MACROD2: variants seen among roughly 807,000 people sequenced by gnomAD.
The protein encoded by MACROD2 is mono-ADP ribosylhydrolase 2.
In MACROD2, 36 loss-of-function variants were observed where a neutral mutation model predicts 70.4. That is an observed-to-expected ratio of 0.51 (90% confidence interval 0.39 to 0.68). The LOEUF is 0.68. MACROD2 is among the 30% of genes least tolerant of loss of function. The pLI is 0.00. For synonymous variants in MACROD2, 172 were observed against 178.8 expected (o/e 0.96, Z 0.30); for missense variants, 496 against 538.4 (o/e 0.92, Z 0.78).
At chr20:14,590,235 C>A (rs1420099854) in intron 4 of MACROD2, among the ~76,000 whole-genome samples, 1 of 151,952 alleles carries the variant, frequency 6.6e-6, no homozygotes, top group Non-Finnish European at 1.5e-5. Context: ...GAACTGGGAC[C>A]ATCTAGGGCA....
intron 8 of MACROD2, among the ~76,000 whole-genome samples, chr20:15,755,481 A>T (rs181446354): frequency 1.1e-3 from 175 of 152,282 alleles, no homozygotes; most frequent in African/African-American, 3.9e-3. Flanking sequence ...ATTATGTTAC[A>T]TTTCCTTCAT....
chr20:15,359,186 A>G (rs1282652878), intron 6 of MACROD2, among the ~76,000 whole-genome samples: 3 of 152,200 alleles, frequency 2.0e-5, no homozygotes, highest in Admixed American at 6.5e-5. Flanking sequence ...TAGAGTCTAC[A>G]CAAAGAAGAA....
intron 5 of MACROD2, among the ~76,000 whole-genome samples, chr20:15,055,100 C>A (rs1349811371): frequency 6.6e-6 from 1 of 152,102 alleles, no homozygotes; most frequent in South Asian, 2.1e-4. Context: ...CAGGCGCCTT[C>A]CACCACACCC....
At chr20:15,569,271 AT>A (rs1344918718) in intron 8 of MACROD2, among the ~76,000 whole-genome samples, 1 of 152,028 alleles carries the variant, frequency 6.6e-6, no homozygotes, top group Non-Finnish European at 1.5e-5. Flanking sequence ...TTTCTTAATT[AT>A]TTTTTAATTG....
intron 3 of MACROD2, among the ~76,000 whole-genome samples, chr20:14,391,386 C>T (rs141709444): frequency 6.6e-6 from 1 of 152,196 alleles, no homozygotes; most frequent in East Asian, 1.9e-4. Context: ...AACCAAATGC[C>T]TCAAGTTGTC....
In MACROD2 at chr20:15,731,251, A is replaced by T. The variant is rs1166010894; in HGVS notation, c.646-131494A>T. On this transcript the variant is annotated intron_variant, in intron 8 of 17. Coordinates refer to ENST00000684519, the MANE Select transcript of MACROD2 (RefSeq NM_001351661.2). ...TCACTTGGAGGTAAGAAGATAGAGT[A>T]AGAAGGCTTTTTGAGTTGCCAGAGT... 5.1e-5 allele frequency among the ~76,000 whole-genome samples: 3 copies of T among 58,772 alleles called. 1 individual carries two copies. Among genetic ancestry groups the T allele is most frequent in the African/African-American group, 1.4e-4 (3 of 21,304 alleles). The allele number at this position is 58,772 out of a possible 152,430, so 38.6% of individuals were successfully genotyped here.
At chr20:14,133,915 A>G (rs1432369010) in intron 3 of MACROD2, among the ~76,000 whole-genome samples, 1 of 152,218 alleles carries the variant, frequency 6.6e-6, no homozygotes, top group African/African-American at 2.4e-5. Context: ...CCCACAGTCA[A>G]TGACTGATTG....
chr20:14,057,420 G>A (rs978459170), intron 2 of MACROD2, among the ~76,000 whole-genome samples: 1 of 152,080 alleles, frequency 6.6e-6, no homozygotes, highest in Non-Finnish European at 1.5e-5. Context: ...CAGTATAAAG[G>A]ACAGACAACC....
chr20:14,315,925 C>T (rs1257050004), intron 3 of MACROD2, among the ~76,000 whole-genome samples: 2 of 152,168 alleles, frequency 1.3e-5, no homozygotes, highest in East Asian at 3.8e-4. Context: ...GGCAAGTGTA[C>T]TCTGAATATA....
At chr20:14,411,437 C>T (rs189623361) in intron 3 of MACROD2, among the ~76,000 whole-genome samples, 16 of 152,146 alleles carry the variant, frequency 1.1e-4, no homozygotes, top group Admixed American at 6.5e-4. Context: ...TCATTAACCC[C>T]GAATTTAAAC....
intron 8 of MACROD2, among the ~76,000 whole-genome samples, chr20:15,544,913 T>C (rs945041080): frequency 2.0e-5 from 3 of 152,182 alleles, no homozygotes; most frequent in Non-Finnish European, 4.4e-5. Flanking sequence ...AGTCTGGGCT[T>C]GTATGCCCTC....
At chr20:14,568,352 A>G (rs1979945834) in intron 4 of MACROD2, among the ~76,000 whole-genome samples, 1 of 152,042 alleles carries the variant, frequency 6.6e-6, no homozygotes, top group Admixed American at 6.6e-5. Flanking sequence ...TCCCCAATGC[A>G]TGACATGGCA....
Position 14,642,310 on chromosome 20 carries a change from A to G in MACROD2, c.302-42533A>G, listed in dbSNP as rs188133199. Reference sequence around the variant, plus strand: ...AATGTTGTGGCAGGTTTGATCTTCTATCCAGACCACTCACACTTTCTCCGT... The same window carrying G: ...AATGTTGTGGCAGGTTTGATCTTCTGTCCAGACCACTCACACTTTCTCCGT... On this transcript the variant is annotated intron_variant, in intron 4 of 17. Transcript: ENST00000684519. Among the ~76,000 whole-genome samples, 174 of 152,224 alleles carry G rather than the reference A, an allele frequency of 1.1e-3. 1 individual carries two copies. Among genetic ancestry groups the G allele is most frequent in the Admixed American group, 2.5e-3 (38 of 15,292 alleles).
rs759668893 is a variant in MACROD2, at chr20:15,119,216, G to A, written c.419-110724G>A. On this transcript the variant is annotated intron_variant, in intron 5 of 17. Transcript: ENST00000684519. ...GAGTGGTCTCTTGCCAGCTTACTTC[G>A]TAAGTTTTGCCTATCTAGTTTCAAT... is the stretch of plus-strand genomic sequence containing the variant. Among the ~76,000 whole-genome samples the A allele has an allele frequency of 7.4e-4, 112 of 152,248 alleles. 1 individual carries two copies. Among genetic ancestry groups the A allele is most frequent in the East Asian group, 3.9e-4 (2 of 5,182 alleles).
intron 3 of MACROD2, among the ~76,000 whole-genome samples, chr20:14,421,759 A>AT (rs930959943): frequency 1.3e-5 from 2 of 151,592 alleles, no homozygotes; most frequent in East Asian, 1.9e-4. Flanking sequence ...TGTGATTGGA[A>AT]TTTTTTTTGT....
At chr20:15,790,739 C>A (rs1380181018) in intron 8 of MACROD2, among the ~76,000 whole-genome samples, 1 of 151,814 alleles carries the variant, frequency 6.6e-6, no homozygotes, top group African/African-American at 2.4e-5. Context: ...AAAAAATTAT[C>A]ATTAGTTGCT....
intron 8 of MACROD2, among the ~76,000 whole-genome samples, chr20:15,697,904 G>A (rs887387729): frequency 2.6e-5 from 4 of 152,170 alleles, no homozygotes; most frequent in African/African-American, 9.7e-5. Flanking sequence ...CCATTTGCAT[G>A]AAATGCCTGT....
chr20:14,487,507 C>T (rs962104910), intron 3 of MACROD2, among the ~76,000 whole-genome samples: 1 of 152,162 alleles, frequency 6.6e-6, no homozygotes, highest in African/African-American at 2.4e-5. Flanking sequence ...CACTTGGCTG[C>T]AAGATGGTAA....
intron 5 of MACROD2, among the ~76,000 whole-genome samples, chr20:14,788,580 C>CGAA (rs1491231900): frequency 1.5e-4 from 11 of 73,268 alleles, no homozygotes; most frequent in African/African-American, 6.1e-4. Context: ...GATCACATCT[C>CGAA]AAAAAAAAAA....
Sources: allele counts gnomAD v4.1 joint callset (sites outside exome capture counted in the v4.1 genomes callset), GRCh38; gene constraint gnomAD v4.1.1; transcripts MANE v1.5; gene names NCBI Gene and HGNC (gene_info 2026-07-23, HGNC 2026-07-21).